TCF12: variants seen among roughly 807,000 people sequenced by gnomAD.
The protein encoded by TCF12 is DNA-binding protein HTF4.
TCF12 carries 45 observed loss-of-function variants against 86.0 expected under a neutral mutation model. The observed-to-expected ratio is 0.52, with a 90% confidence interval of 0.41 to 0.67. The LOEUF (loss-of-function observed/expected upper bound fraction) is 0.67, where lower values mean the gene tolerates loss of function less well. TCF12 is among the 30% of genes least tolerant of loss of function. The probability of loss-of-function intolerance (pLI) is 0.00; values close to 1 mark genes in which losing one functional copy is unlikely to be tolerated. For missense variants in TCF12, 881 were observed against 859.9 expected (o/e 1.02, Z -0.31); for synonymous variants, 330 against 299.6 (o/e 1.10, Z -1.05).
At chr15:56,979,099 A>G (rs571698494) in intron 3 of TCF12, among the ~76,000 whole-genome samples, 1 of 151,960 alleles carries the variant, frequency 6.6e-6, no homozygotes, top group South Asian at 2.1e-4. Flanking sequence ...TGCTTAGGTC[A>G]CTCATTTTTG....
At chr15:56,953,204 G>A (rs912848274) in intron 3 of TCF12, among the ~76,000 whole-genome samples, 3 of 151,832 alleles carry the variant, frequency 2.0e-5, no homozygotes, top group Non-Finnish European at 4.4e-5. Context: ...AACCCCATGT[G>A]GCTATGAGGC....
intron 17 of TCF12, 80 bp from the exon 18 acceptor site, chr15:57,263,032 A>G: frequency 2.1e-6 from 3 of 1,436,056 alleles, no homozygotes; most frequent in South Asian, 2.8e-5. Context: ...TTCACCAGCT[A>G]GAAAGCTTTT....
At chr15:56,956,285 C>T (rs1205524746) in intron 3 of TCF12, among the ~76,000 whole-genome samples, 2 of 151,058 alleles carry the variant, frequency 1.3e-5, no homozygotes, top group Admixed American at 6.6e-5. Context: ...TTCTTTGGTT[C>T]CCTTTTCCTC....
At chr15:56,977,867 C>T (rs1180297806) in intron 3 of TCF12, among the ~76,000 whole-genome samples, 1 of 152,116 alleles carries the variant, frequency 6.6e-6, no homozygotes, top group Non-Finnish European at 1.5e-5. Context: ...AAACAGACTG[C>T]TTGACTTCAT....
At chr15:57,102,553 G>A (rs958048444) in intron 5 of TCF12, among the ~76,000 whole-genome samples, 9 of 151,182 alleles carry the variant, frequency 6.0e-5, no homozygotes, top group South Asian at 2.1e-4. Context: ...AGCCAAGATC[G>A]CATGACTGCA....
intron 12 of TCF12, among the ~76,000 whole-genome samples, chr15:57,239,874 A>G (rs924910385): frequency 2.0e-5 from 3 of 152,184 alleles, no homozygotes; most frequent in East Asian, 3.9e-4. Context: ...TGCGCTTGAG[A>G]TGAAAAGAGA....
chr15:56,962,098 A>G (rs2061786055), intron 3 of TCF12, among the ~76,000 whole-genome samples: 1 of 142,558 alleles, frequency 7.0e-6, no homozygotes, highest in African/African-American at 2.6e-5. Context: ...GCGCCACTGT[A>G]CTCCAGCCTG....
chr15:56,944,668 G>A (rs968104256), intron 3 of TCF12, among the ~76,000 whole-genome samples: 1 of 152,086 alleles, frequency 6.6e-6, no homozygotes, highest in Non-Finnish European at 1.5e-5. Flanking sequence ...AGATATTTTC[G>A]TAGAATATTG....
chr15:56,945,265 A>T (rs2060944281), intron 3 of TCF12, among the ~76,000 whole-genome samples: 1 of 152,048 alleles, frequency 6.6e-6, no homozygotes, highest in Admixed American at 6.6e-5. Flanking sequence ...TGATACTGGA[A>T]ATTGTGTCTT....
intron 8 of TCF12, among the ~76,000 whole-genome samples, chr15:57,223,681 G>T (rs1187508604): frequency 2.9e-5 from 1 of 34,196 alleles, no homozygotes; most frequent in Non-Finnish European, 1.7e-4. Flanking sequence ...TAGAAATAGA[G>T]TAGCAAGTAA....
chr15:57,064,086 T>G (rs534495638), intron 4 of TCF12, among the ~76,000 whole-genome samples: 1 of 152,198 alleles, frequency 6.6e-6, no homozygotes, highest in Non-Finnish European at 1.5e-5. Flanking sequence ...TTAGAATGCA[T>G]AAGTGCTCTC....
chr15:57,253,531 T>C, intron 16 of TCF12, 63 bp downstream of exon 16: 1 of 1,562,210 alleles, frequency 6.4e-7, no homozygotes, highest in Non-Finnish European at 8.8e-7. Context: ...ATGTCTTTAA[T>C]GAAATCTTTG....
intron 6 of TCF12, among the ~76,000 whole-genome samples, chr15:57,187,964 C>G (rs1347337013): frequency 6.6e-6 from 1 of 151,584 alleles, no homozygotes; most frequent in African/African-American, 2.4e-5. Context: ...AACAGATTAG[C>G]TAGCCAAGAA....
intron 12 of TCF12, among the ~76,000 whole-genome samples, chr15:57,241,866 G>A (rs557418361): frequency 2.6e-4 from 40 of 152,128 alleles, no homozygotes; most frequent in African/African-American, 6.0e-4. Context: ...GGTGGCACGC[G>A]GCTGTAGTGC....
At chr15:57,187,905 G>T (rs2056766442) in intron 6 of TCF12, among the ~76,000 whole-genome samples, 1 of 151,972 alleles carries the variant, frequency 6.6e-6, no homozygotes, top group South Asian at 2.1e-4. Context: ...ACTCCAGCCT[G>T]GGAGCCTGGA....
intron 3 of TCF12, among the ~76,000 whole-genome samples, chr15:56,974,562 G>A (rs1203770789): frequency 6.6e-6 from 1 of 152,014 alleles, no homozygotes. Context: ...TATCCACTTT[G>A]TTAGATTCTT....
At chr15:57,269,670 G>T (rs942574833) in intron 18 of TCF12, among the ~76,000 whole-genome samples, 3 of 151,954 alleles carry the variant, frequency 2.0e-5, no homozygotes, top group Admixed American at 6.6e-5. Flanking sequence ...TTACAATTTG[G>T]CATGTTTTTG....
chr15:57,085,663 A>G (rs1249479876), intron 4 of TCF12, among the ~76,000 whole-genome samples: 2 of 152,226 alleles, frequency 1.3e-5, no homozygotes, highest in African/African-American at 4.8e-5. Flanking sequence ...TTGGCAATTT[A>G]TGATGGGGTA....
intron 5 of TCF12, among the ~76,000 whole-genome samples, chr15:57,122,547 A>G (rs1234741458): frequency 6.6e-6 from 1 of 152,200 alleles, no homozygotes; most frequent in South Asian, 2.1e-4. Context: ...TGCAGCGACT[A>G]TTAAGTTGTG....
Sources: gnomAD v4.1 joint callset for allele counts (sites outside exome capture counted in the v4.1 genomes callset) on GRCh38, gnomAD v4.1.1 for gene constraint, MANE v1.5 for transcripts, NCBI Gene and HGNC (gene_info 2026-07-23, HGNC 2026-07-21) for gene names.